The following AK4 variants were observed in gnomAD, a reference collection of about 807,000 sequenced individuals.
AK4 encodes the protein adenylate kinase 4.
Under a neutral mutation model 24.6 loss-of-function variants are expected in AK4, and 13 were observed. The ratio of observed to expected loss-of-function variants is 0.53; its 90% CI spans 0.34 to 0.84. The LOEUF is 0.84. Among genes scored for constraint, AK4 ranks in the 40% least tolerant of loss-of-function variants. The pLI, the probability that AK4 is intolerant of heterozygous loss-of-function variation, is 0.01. For synonymous variants in AK4, 88 were observed against 107.0 expected (o/e 0.82, Z 1.10); for missense variants, 192 against 288.2 (o/e 0.67, Z 2.42).
In AK4 at chr1:65,226,819, T is replaced by C. The variant is rs1362807488; in HGVS notation, c.*642T>C. 6.6e-6 allele frequency: 1 copy of C among 151,100 alleles called. No individual in the cohort carries two copies. Among genetic ancestry groups the C allele is most frequent in the Admixed American group, 6.6e-5 (1 of 15,216 alleles). The allele number at this position is 151,100 out of a possible 1,614,324, so 9.4% of individuals were successfully genotyped here. On this transcript the variant is annotated 3_prime_UTR_variant, in exon 5 of 5. Transcript: ENST00000327299. ...AAAGAATTTGGCTTTTTTTTTTCTT[T>C]TTTTTTTTGGACATCTGTTTTCACT...
chr1:65,211,120 A>C (rs971901285), intron 2 of AK4, among the ~76,000 whole-genome samples: 1 of 152,222 alleles, frequency 6.6e-6, no homozygotes, highest in Non-Finnish European at 1.5e-5. Context: ...GCAGTTATTA[A>C]AGAGAATGAT....
chr1:65,156,171 A>T (rs1268906296), intron 1 of AK4, among the ~76,000 whole-genome samples: 1 of 152,218 alleles, frequency 6.6e-6, no homozygotes, highest in Non-Finnish European at 1.5e-5. Context: ...GTAAAAAGGT[A>T]CATGCAGATA....
intron 2 of AK4, among the ~76,000 whole-genome samples, chr1:65,206,801 C>T (rs559186939): frequency 9.2e-5 from 14 of 152,272 alleles, no homozygotes; most frequent in African/African-American, 2.9e-4. Context: ...AAACAAACCA[C>T]GCAGAATTCT....
intron 2 of AK4, among the ~76,000 whole-genome samples, chr1:65,218,141 G>A (rs1342026676): frequency 6.6e-6 from 1 of 152,194 alleles, no homozygotes; most frequent in Non-Finnish European, 1.5e-5. Context: ...TGCAGACTCA[G>A]GTGAAGGTCT....
Position 65,226,348 on chromosome 1 carries a change from C to T in AK4, c.*171C>T. Reference sequence around the variant, plus strand: ...AGTAGAAAGAGTTCATGAAGAGGCCCTCCTCTGCCTTTCAAAAGGCTGGTC... The same window carrying T: ...AGTAGAAAGAGTTCATGAAGAGGCCTTCCTCTGCCTTTCAAAAGGCTGGTC... On this transcript the variant is annotated 3_prime_UTR_variant, in exon 5 of 5. Coordinates refer to ENST00000327299, the MANE Select transcript of AK4 (RefSeq NM_013410.4). 1 of 865,906 alleles carries T rather than the reference C, an allele frequency of 1.2e-6. No individual in the cohort carries two copies. Among genetic ancestry groups the T allele is most frequent in the South Asian group, 2.1e-5 (1 of 48,064 alleles). The allele number at this position is 865,906 out of a possible 1,614,324, so 53.6% of individuals were successfully genotyped here.
At position 65,224,835 on chromosome 1, in the gene AK4, C is replaced by G; in HGVS notation, c.522C>G (p.Tyr174Ter). The change falls in exon 4 of 5, where the codon TAC becomes TAG. Residue 174 changes from tyrosine (Y) to a stop codon, truncating the protein, a stop_gained. Coordinates refer to ENST00000327299, the MANE Select transcript of AK4 (RefSeq NM_013410.4). LOFTEE classifies it high-confidence loss of function. ...CAGTTGCTGCCAGGCTAAGACAGTA[C>G]AAAGACGTGGCAAAGCCAGTCATTG... is the stretch of plus-strand genomic sequence containing the variant. ...PEAVAARLRQ[Y>*]KDVAKPVIEL... The G allele has an allele frequency of 6.2e-7, 1 of 1,613,894 alleles. No homozygotes were observed. Among genetic ancestry groups the G allele is most frequent in the Non-Finnish European group, 8.5e-7 (1 of 1,179,828 alleles).
rs985875444 is a variant in AK4, at chr1:65,231,549, T to C, written c.*5372T>C. ...TTGAAGATTCCCCCTAGGGTTGATATGTGTCTAATTCATTTTATAAAAATT... is the reference window on the plus strand; with the variant it reads ...TTGAAGATTCCCCCTAGGGTTGATACGTGTCTAATTCATTTTATAAAAATT... On this transcript the variant is annotated 3_prime_UTR_variant, in exon 5 of 5. Transcript: ENST00000327299. 8.5e-5 allele frequency: 13 copies of C among 152,208 alleles called. No individual in the cohort carries two copies. Among genetic ancestry groups the C allele is most frequent in the African/African-American group, 3.1e-4 (13 of 41,444 alleles). 9.4% of individuals were successfully genotyped at this position (152,208 alleles called of 1,614,324 possible).
intron 1 of AK4, among the ~76,000 whole-genome samples, chr1:65,172,643 CAT>C (rs1426128350): frequency 6.6e-6 from 1 of 152,034 alleles, no homozygotes; most frequent in Non-Finnish European, 1.5e-5. Flanking sequence ...TCCAGGAACT[CAT>C]ATATTGGAAT....
At chr1:65,201,690 G>T (rs375002478) in intron 2 of AK4, among the ~76,000 whole-genome samples, 39 of 152,274 alleles carry the variant, frequency 2.6e-4, no homozygotes, top group African/African-American at 9.1e-4. Flanking sequence ...GAGAGTGAAA[G>T]GTGATGGCTG....
At chr1:65,184,453 C>G (rs939051261) in intron 1 of AK4, among the ~76,000 whole-genome samples, 2 of 152,114 alleles carry the variant, frequency 1.3e-5, no homozygotes, top group African/African-American at 4.8e-5. Context: ...AAGAAAAAGG[C>G]AAAGATAGTG....
chr1:65,185,136 T>C (rs1379051801), intron 1 of AK4, among the ~76,000 whole-genome samples: 1 of 152,172 alleles, frequency 6.6e-6, no homozygotes, highest in East Asian at 1.9e-4. Context: ...CAGGCCTTCA[T>C]CTTGTGCTTG....
intron 1 of AK4, among the ~76,000 whole-genome samples, chr1:65,150,395 G>A (rs568843272): frequency 6.6e-5 from 10 of 150,400 alleles, no homozygotes; most frequent in African/African-American, 2.2e-4. Context: ...ACTATGAAAT[G>A]TTTAGATTTT....
chr1:65,223,512 T>A (rs1483465054), intron 3 of AK4, among the ~76,000 whole-genome samples: 1 of 152,034 alleles, frequency 6.6e-6, no homozygotes, highest in Admixed American at 6.6e-5. Flanking sequence ...TTATCACGTA[T>A]GATGAGAGTG....
chr1:65,171,596 T>C (rs6695503), intron 1 of AK4, among the ~76,000 whole-genome samples: 72,222 of 151,866 alleles, frequency 0.48, 19,813 homozygotes, highest in African/African-American at 0.75. Context: ...TGAGCCACTG[T>C]GCCCAGCCAA....
Position 65,218,734 on chromosome 1 carries a change from G to C in AK4, c.266-20G>C. On this transcript the variant is annotated intron_variant, in intron 2 of 4. Transcript: ENST00000327299. ...CTGGGCAATAGCTTGCATTTCACTT[G>C]TTTTGTTCTTTGCATTTAGGTTTTC... 6.4e-7 allele frequency: 1 copy of C among 1,559,740 alleles called. No individual in the cohort carries two copies. The highest frequency in any genetic ancestry group is 2.3e-5 in the East Asian group (1 of 42,696).
At chr1:65,213,454 C>A (rs1652032271) in intron 2 of AK4, among the ~76,000 whole-genome samples, 1 of 152,138 alleles carries the variant, frequency 6.6e-6, no homozygotes, top group African/African-American at 2.4e-5. Context: ...GTAACTGCCA[C>A]AGAGAGCACC....
At chr1:65,174,671 T>C (rs935935031) in intron 1 of AK4, among the ~76,000 whole-genome samples, 21 of 152,060 alleles carry the variant, frequency 1.4e-4, no homozygotes, top group African/African-American at 4.6e-4. Flanking sequence ...GTGAGAGAAA[T>C]TGCTTGAGGA....
intron 3 of AK4, among the ~76,000 whole-genome samples, chr1:65,222,324 T>C (rs1177029814): frequency 6.6e-6 from 1 of 152,200 alleles, no homozygotes; most frequent in Non-Finnish European, 1.5e-5. Flanking sequence ...CCGTGCAAGC[T>C]CCCAGCTTGC....
chr1:65,190,243 T>C (rs1651247013), intron 1 of AK4, among the ~76,000 whole-genome samples: 1 of 151,914 alleles, frequency 6.6e-6, no homozygotes, highest in African/African-American at 2.4e-5. Context: ...TTTCCTGCTT[T>C]CTTGGTTTCT....
Sources: gnomAD v4.1 joint callset for allele counts (sites outside exome capture counted in the v4.1 genomes callset) on GRCh38, gnomAD v4.1.1 for gene constraint, MANE v1.5 for transcripts, NCBI Gene and HGNC (gene_info 2026-07-23, HGNC 2026-07-21) for gene names.